Variants in DLC1 observed in about 807,000 individuals in gnomAD.
DLC1 encodes the protein DLC1 Rho GTPase activating protein.
A neutral mutation model predicts 140.3 loss-of-function variants in DLC1; 54 were observed. The ratio of observed to expected loss-of-function variants is 0.38; its 90% CI spans 0.31 to 0.48. The LOEUF is 0.48. Ranked by LOEUF, DLC1 falls within the 20% of genes least tolerant of loss-of-function variation. The pLI is 0.96. For synonymous variants in DLC1, 986 were observed against 728.1 expected, an observed-to-expected ratio of 1.35 and a Z score of -5.70; for missense variants, 2,536 against 1,907.0, an observed-to-expected ratio of 1.33 and a Z score of -6.14.
At chr8:13,353,916 A>G (rs1012419458) in intron 4 of DLC1, among the ~76,000 whole-genome samples, 1 of 152,212 alleles carries the variant, frequency 6.6e-6, no homozygotes, top group South Asian at 2.1e-4. Flanking sequence ...CTATGAGTCA[A>G]TGGCATAGTT....
chr8:13,343,122 A>G (rs1834155089), intron 4 of DLC1, among the ~76,000 whole-genome samples: 1 of 152,180 alleles, frequency 6.6e-6, no homozygotes, highest in South Asian at 2.1e-4. Flanking sequence ...CGCACTTGTG[A>G]CTTCTATAAT....
chr8:13,571,413 T>C (rs951468679), intron 1 of DLC1, among the ~76,000 whole-genome samples: 2 of 152,228 alleles, frequency 1.3e-5, no homozygotes, highest in Non-Finnish European at 2.9e-5. Context: ...GTACTTTCTA[T>C]TGCTATAAAT....
At chr8:13,472,079 GTAAA>G (rs1207364979) in intron 2 of DLC1, among the ~76,000 whole-genome samples, 1 of 152,180 alleles carries the variant, frequency 6.6e-6, no homozygotes, top group Non-Finnish European at 1.5e-5. Context: ...CACACAGATG[GTAAA>G]TAAATTTCTG....
At chr8:13,166,237 G>A (rs1271366644) in intron 5 of DLC1, among the ~76,000 whole-genome samples, 6 of 152,128 alleles carry the variant, frequency 3.9e-5, no homozygotes, top group Admixed American at 3.9e-4. Context: ...CAGTGTGTCT[G>A]CCGTTGCTCC....
chr8:13,458,275 A>G (rs951960644), intron 2 of DLC1, among the ~76,000 whole-genome samples: 1 of 152,210 alleles, frequency 6.6e-6, no homozygotes, highest in Non-Finnish European at 1.5e-5. Flanking sequence ...TTTTGGCAAG[A>G]TCCATAATTT....
At chr8:13,362,581 G>A (rs768949274) in intron 4 of DLC1, among the ~76,000 whole-genome samples, 5 of 151,804 alleles carry the variant, frequency 3.3e-5, no homozygotes, top group South Asian at 2.1e-4. Flanking sequence ...ATAATTAATG[G>A]TCTATTATCT....
intron 5 of DLC1, among the ~76,000 whole-genome samples, chr8:13,299,897 C>G (rs562428078): frequency 6.6e-6 from 1 of 152,092 alleles, no homozygotes; most frequent in South Asian, 2.1e-4. Context: ...GATTTTGAAC[C>G]AGAAATGCCA....
At chr8:13,388,867 AT>A (rs752691367) in intron 4 of DLC1, among the ~76,000 whole-genome samples, 3 of 151,912 alleles carry the variant, frequency 2.0e-5, no homozygotes, top group East Asian at 1.9e-4. Flanking sequence ...GGAGCCAGCC[AT>A]TTTTTTTATT....
At chr8:13,317,955 A>G (rs1832922877) in intron 4 of DLC1, among the ~76,000 whole-genome samples, 1 of 152,172 alleles carries the variant, frequency 6.6e-6, no homozygotes, top group African/African-American at 2.4e-5. Context: ...GTAACTCTGT[A>G]CTTGTTCTAT....
intron 2 of DLC1, among the ~76,000 whole-genome samples, chr8:13,421,638 A>G (rs1183953288): frequency 6.6e-6 from 1 of 152,194 alleles, no homozygotes; most frequent in Non-Finnish European, 1.5e-5. Flanking sequence ...CAAAACTCAA[A>G]AACGTCTTTG....
chr8:13,263,795 T>C (rs1830566280), intron 5 of DLC1, among the ~76,000 whole-genome samples: 2 of 151,744 alleles, frequency 1.3e-5, no homozygotes, highest in South Asian at 4.1e-4. Flanking sequence ...AATATACCAT[T>C]GGTGGATGTG....
chr8:13,361,421 AT>A (rs140820404), intron 4 of DLC1, among the ~76,000 whole-genome samples: 30,981 of 149,946 alleles, frequency 0.21, 3,473 homozygotes, highest in Non-Finnish European at 0.26. Context: ...TGCTCTGCTA[AT>A]TTTTTTTTTA....
rs1818166495 is a variant in DLC1, at chr8:13,092,593, C to A, written c.3740+19G>T. On this transcript the variant is annotated intron_variant, in intron 13 of 17. Transcript: ENST00000276297. Reference sequence around the variant, plus strand: ...GTAGGCTGCCCCCTGTGTGCATGCACCTCCCATGCAGCCCGTACCTGGGAG... The same window carrying A: ...GTAGGCTGCCCCCTGTGTGCATGCAACTCCCATGCAGCCCGTACCTGGGAG... The A allele has an allele frequency of 6.2e-7, 1 of 1,611,244 alleles. No individual in the cohort carries two copies. Among genetic ancestry groups the A allele is most frequent in the Non-Finnish European group, 8.5e-7 (1 of 1,178,546 alleles).
intron 10 of DLC1, among the ~76,000 whole-genome samples, chr8:13,096,319 T>A (rs541244265): frequency 5.9e-5 from 9 of 152,106 alleles, no homozygotes; most frequent in Non-Finnish European, 1.0e-4. Flanking sequence ...ATATGCAGTT[T>A]TAAATAGCCA....
chr8:13,584,081 A>T (rs7011748), intron 1 of DLC1: 18 of 152,806 alleles, frequency 1.2e-4, no homozygotes, highest in African/African-American at 3.8e-4. Context: ...AGGGATAAGC[A>T]GGTGTCTTGC....
At position 13,479,850 on chromosome 8, in the gene DLC1, GA is replaced by G. The variant is rs879593667; in HGVS notation, c.1023+19198del. ...AGAAGAAGAAGAAGAAGAAGAAGAAGAAGAAGAAGAGAAAAAGAAAGAAAGA... is the reference window on the plus strand; with the variant it reads ...AGAAGAAGAAGAAGAAGAAGAAGAAGAGAAGAAGAGAAAAAGAAAGAAAGA... On this transcript the variant is annotated intron_variant, in intron 2 of 17. Transcript: ENST00000276297. Among the ~76,000 whole-genome samples the G allele has an allele frequency of 7.0e-3, 127 of 18,198 alleles. 3 individuals are homozygous for G. Among genetic ancestry groups the G allele is most frequent in the South Asian group, 0.014 (9 of 642 alleles). 11.9% of individuals were successfully genotyped at this position (18,198 alleles called of 152,430 possible).
At chr8:13,394,065 C>G (rs1007806220) in intron 3 of DLC1, among the ~76,000 whole-genome samples, 1 of 152,224 alleles carries the variant, frequency 6.6e-6, no homozygotes, top group African/African-American at 2.4e-5. Flanking sequence ...ACTCCTCTGA[C>G]TATACAGCGC....
intron 14 of DLC1, 77 bp from the exon 15 acceptor site, chr8:13,090,547 G>T (rs1402638773): frequency 2.6e-6 from 4 of 1,533,188 alleles, no homozygotes; most frequent in Non-Finnish European, 3.5e-6. Flanking sequence ...GGAAAAGACT[G>T]GGTAGGAACA....
intron 5 of DLC1, among the ~76,000 whole-genome samples, chr8:13,292,285 T>G (rs1257725547): frequency 6.6e-6 from 1 of 152,100 alleles, no homozygotes; most frequent in East Asian, 1.9e-4. Context: ...TCCCTACATG[T>G]GGGGATGAGC....
Sources: allele counts gnomAD v4.1 joint callset (sites outside exome capture counted in the v4.1 genomes callset), GRCh38; gene constraint gnomAD v4.1.1; transcripts MANE v1.5; gene names NCBI Gene and HGNC (gene_info 2026-07-23, HGNC 2026-07-21).